The following RARB variants were observed in gnomAD, a reference collection of about 807,000 sequenced individuals.
The protein encoded by RARB is HBV-activated protein.
A neutral mutation model predicts 51.9 loss-of-function variants in RARB; 17 were observed. That is an observed-to-expected ratio of 0.33 (90% CI 0.22 to 0.49). The LOEUF (loss-of-function observed/expected upper bound fraction) is 0.49. Among genes scored for constraint, RARB ranks in the 20% least tolerant of loss-of-function variants. The pLI, the probability that RARB is intolerant of heterozygous loss-of-function variation, is 0.99. For synonymous variants in RARB, 215 were observed against 195.4 expected, an observed-to-expected ratio of 1.10 and a Z score of -0.84; for missense variants, 369 against 550.8, an observed-to-expected ratio of 0.67 and a Z score of 3.30.
intron 5 of RARB, among the ~76,000 whole-genome samples, chr3:25,326,855 A>ATTT (rs1429174878): frequency 2.6e-5 from 4 of 151,904 alleles, no homozygotes; most frequent in Non-Finnish European, 5.9e-5. Context: ...TATTATTATT[A>ATTT]TACTTTAACT....
Position 25,224,700 on chromosome 3 carries a change from T to C in RARB, c.178+50125T>C, listed in dbSNP as rs151249196. Among the ~76,000 whole-genome samples the C allele has an allele frequency of 1.8e-3, 279 of 152,232 alleles. 1 individual carries two copies. The highest frequency in any genetic ancestry group is 5.8e-3 in the African/African-American group (240 of 41,554). On this transcript the variant is annotated intron_variant, in intron 5 of 11. Transcript: ENST00000383772. ...ATGGCTCACTGTAACCTCAACCTCC[T>C]GGGCTCAAGCAATCTTCTCACCTCA... is the stretch of plus-strand genomic sequence containing the variant.
chr3:24,947,969 A>G (rs768771322), intron 2 of RARB, among the ~76,000 whole-genome samples: 2 of 151,794 alleles, frequency 1.3e-5, no homozygotes, highest in East Asian at 3.9e-4. Flanking sequence ...GGAAGTGGCT[A>G]TGTAAAGAAC....
At chr3:25,258,368 G>A (rs28597786) in intron 5 of RARB, among the ~76,000 whole-genome samples, 3 of 152,132 alleles carry the variant, frequency 2.0e-5, no homozygotes, top group African/African-American at 4.8e-5. Context: ...TTTTATGGTC[G>A]CAATTGATAT....
intron 5 of RARB, among the ~76,000 whole-genome samples, chr3:25,219,466 T>C (rs1346736621): frequency 1.3e-5 from 2 of 152,218 alleles, no homozygotes; most frequent in Non-Finnish European, 2.9e-5. Context: ...TACTAACTTA[T>C]TGTTGTGGTC....
At chr3:25,367,759 G>A (rs1288630450) in intron 5 of RARB, among the ~76,000 whole-genome samples, 1 of 143,210 alleles carries the variant, frequency 7.0e-6, no homozygotes, top group Non-Finnish European at 1.5e-5. Flanking sequence ...CCAGAAGATC[G>A]CACCCCTGCA....
chr3:25,141,079 G>A (rs1156294224), intron 4 of RARB, among the ~76,000 whole-genome samples: 4 of 151,886 alleles, frequency 2.6e-5, no homozygotes, highest in Admixed American at 1.3e-4. Flanking sequence ...GCAGTGGTCT[G>A]GAACTAAACA....
intron 5 of RARB, among the ~76,000 whole-genome samples, chr3:25,350,773 C>A (rs2125457050): frequency 6.6e-6 from 1 of 152,316 alleles, no homozygotes; most frequent in African/African-American, 2.4e-5. Flanking sequence ...TGAGAATACG[C>A]AGACATGACA....
chr3:25,534,541 A>C (rs1345858285), intron 3 of RARB, among the ~76,000 whole-genome samples: 2 of 152,124 alleles, frequency 1.3e-5, no homozygotes, highest in South Asian at 2.1e-4. Flanking sequence ...TCTTCCGTCA[A>C]GTATCTGGGT....
At chr3:25,459,464 T>C (rs938833573) in intron 1 of RARB, among the ~76,000 whole-genome samples, 3 of 152,180 alleles carry the variant, frequency 2.0e-5, no homozygotes, top group African/African-American at 7.2e-5. Context: ...TTTGATCTAA[T>C]TGGTGACTAT....
chr3:25,030,027 T>G (rs1448706911), intron 2 of RARB, among the ~76,000 whole-genome samples: 1 of 152,216 alleles, frequency 6.6e-6, no homozygotes, highest in African/African-American at 2.4e-5. Context: ...AGCCCTTTAT[T>G]CCTCTGAGAG....
intron 5 of RARB, among the ~76,000 whole-genome samples, chr3:25,203,258 GC>G (rs1701443577): frequency 6.6e-6 from 1 of 152,040 alleles, no homozygotes; most frequent in Non-Finnish European, 1.5e-5. Context: ...TGCAACCCCT[GC>G]CTTTTTTTGT....
At chr3:25,375,021 A>G (rs578079182) in intron 5 of RARB, among the ~76,000 whole-genome samples, 2 of 152,172 alleles carry the variant, frequency 1.3e-5, no homozygotes, top group East Asian at 3.9e-4. Flanking sequence ...CAGGCTCAGA[A>G]TAGCCTTTAC....
At chr3:25,394,157 A>G (rs1310776145) in intron 5 of RARB, among the ~76,000 whole-genome samples, 4 of 152,150 alleles carry the variant, frequency 2.6e-5, no homozygotes, top group African/African-American at 7.2e-5. Context: ...TTGTTGACCC[A>G]GTGACCATTC....
chr3:25,574,759 T>C (rs1292731668), intron 4 of RARB, among the ~76,000 whole-genome samples: 2 of 152,080 alleles, frequency 1.3e-5, no homozygotes, highest in Non-Finnish European at 2.9e-5. Flanking sequence ...AGACATACCA[T>C]AGAAAAGGAA....
intron 2 of RARB, among the ~76,000 whole-genome samples, chr3:25,469,063 C>G (rs962891182): frequency 6.6e-6 from 1 of 152,214 alleles, no homozygotes; most frequent in African/African-American, 2.4e-5. Flanking sequence ...CACTAGCCCC[C>G]TCAGTCCCTC....
intron 3 of RARB, among the ~76,000 whole-genome samples, chr3:25,075,976 C>T (rs1698863351): frequency 1.3e-5 from 2 of 152,130 alleles, no homozygotes; most frequent in Non-Finnish European, 2.9e-5. Context: ...CACAGTCAGC[C>T]TCTGGTCATC....
intron 5 of RARB, chr3:25,352,437 G>C (rs1302866824): frequency 6.6e-6 from 1 of 152,282 alleles, no homozygotes; most frequent in Admixed American, 6.5e-5. Context: ...TGAGGCCTCT[G>C]ATAATGGGAG....
At chr3:25,162,783 T>C (rs1700493439) in intron 4 of RARB, among the ~76,000 whole-genome samples, 1 of 152,362 alleles carries the variant, frequency 6.6e-6, no homozygotes, top group East Asian at 1.9e-4. Context: ...TCAATCAATA[T>C]AATTTTGTAT....
At chr3:24,964,250 G>C (rs1241099284) in intron 2 of RARB, among the ~76,000 whole-genome samples, 1 of 151,870 alleles carries the variant, frequency 6.6e-6, no homozygotes, top group African/African-American at 2.4e-5. Context: ...TATTTCTATA[G>C]GAATTGATAT....
Sources: gnomAD v4.1 joint callset for allele counts (sites outside exome capture counted in the v4.1 genomes callset) on GRCh38, gnomAD v4.1.1 for gene constraint, MANE v1.5 for transcripts, NCBI Gene and HGNC (gene_info 2026-07-23, HGNC 2026-07-21) for gene names.